KCNU1: variants seen among roughly 807,000 people sequenced by gnomAD.
KCNU1 encodes potassium calcium-activated channel subfamily U member 1, also known as potassium channel subfamily U member 1.
A neutral mutation model predicts 126.8 loss-of-function variants in KCNU1; 93 were observed. The ratio of observed to expected loss-of-function variants is 0.73; its 90% CI spans 0.62 to 0.87. The LOEUF is 0.87. Among genes scored for constraint, KCNU1 ranks in the 40% least tolerant of loss-of-function variants. The pLI is 0.00. For synonymous variants in KCNU1, 523 were observed against 494.2 expected (o/e 1.06, Z -0.77); for missense variants, 1,330 against 1,367.1 (o/e 0.97, Z 0.43).
Position 36,834,782 on chromosome 8 carries a change from G to T in KCNU1, c.1213-4G>T. On this transcript the variant is annotated splice_polypyrimidine_tract_variant and splice_region_variant and intron_variant, in intron 11 of 26. Coordinates refer to ENST00000399881, the MANE Select transcript of KCNU1 (RefSeq NM_001031836.3). Reference sequence around the variant, plus strand: ...GATGGCTCCTGTCCGATCTTGAAGGGTAGGTGGAATCTGCAGAGGCATGCC... The same window carrying T: ...GATGGCTCCTGTCCGATCTTGAAGGTTAGGTGGAATCTGCAGAGGCATGCC... The T allele has an allele frequency of 6.3e-7, 1 of 1,599,280 alleles. No homozygotes were observed. Among genetic ancestry groups the T allele is most frequent in the South Asian group, 1.1e-5 (1 of 90,150 alleles).
rs150789870 is a variant in KCNU1, at chr8:36,842,887, C to T, written c.1703+1884C>T. ...ATTTCACCATGTTGGTGCTCTCAAACTCCTGACCTCAGGTGATCCACCCAC... is the reference window on the plus strand; with the variant it reads ...ATTTCACCATGTTGGTGCTCTCAAATTCCTGACCTCAGGTGATCCACCCAC... On this transcript the variant is annotated intron_variant, in intron 16 of 26. Transcript: ENST00000399881. Among the ~76,000 whole-genome samples, 337 of 152,292 alleles carry T rather than the reference C, an allele frequency of 2.2e-3. 1 individual carries two copies. Among genetic ancestry groups the T allele is most frequent in the Admixed American group, 4.3e-3 (66 of 15,298 alleles).
intron 24 of KCNU1, 111 bp from the exon 25 acceptor site, chr8:36,930,840 C>G (rs1808679189): frequency 1.5e-6 from 1 of 652,082 alleles, no homozygotes; most frequent in Admixed American, 3.3e-5. Context: ...TGTTCTACAC[C>G]ATCAGGTCCA....
Position 36,810,680 on chromosome 8 carries a change from C to T in KCNU1, c.732+1887C>T, listed in dbSNP as rs148678690. Among the ~76,000 whole-genome samples, 250 of 152,186 alleles carry T rather than the reference C, an allele frequency of 1.6e-3. 2 individuals are homozygous for T. The highest frequency in any genetic ancestry group is 2.8e-3 in the Non-Finnish European group (192 of 67,994). On this transcript the variant is annotated intron_variant, in intron 7 of 26. Transcript: ENST00000399881. ...GCTAAATGATGATATCATTCAAAGA[C>T]GAGTATTAACTAGAAAGGAATCAAT...
intron 23 of KCNU1, among the ~76,000 whole-genome samples, chr8:36,922,004 A>G (rs890468040): frequency 1.4e-4 from 21 of 152,206 alleles, no homozygotes; most frequent in Admixed American, 1.4e-3. Flanking sequence ...TCATATGTGC[A>G]TTACATTTTG....
intron 20 of KCNU1, 140 bp downstream of exon 20, chr8:36,905,944 T>A: frequency 1.8e-6 from 1 of 540,936 alleles, no homozygotes. Flanking sequence ...CCCACATCCC[T>A]CACCAGCCAT....
intron 2 of KCNU1, among the ~76,000 whole-genome samples, chr8:36,793,532 A>C (rs1802980380): frequency 1.3e-5 from 2 of 152,148 alleles, no homozygotes; most frequent in Non-Finnish European, 2.9e-5. Flanking sequence ...ATTTTGAGGC[A>C]GATGTCAAGA....
chr8:36,882,643 G>C (rs563400955), intron 19 of KCNU1, among the ~76,000 whole-genome samples: 20 of 152,066 alleles, frequency 1.3e-4, no homozygotes, highest in Non-Finnish European at 2.6e-4. Flanking sequence ...GAGTACAGTG[G>C]CACGATCTTG....
intron 19 of KCNU1, chr8:36,888,795 A>C (rs775226180): frequency 3.8e-6 from 2 of 528,560 alleles, no homozygotes; most frequent in Non-Finnish European, 7.8e-6. Flanking sequence ...CTTGAAGAAC[A>C]GAGACCAGAA....
At chr8:36,875,586 G>C (rs1806252292) in intron 19 of KCNU1, among the ~76,000 whole-genome samples, 1 of 151,740 alleles carries the variant, frequency 6.6e-6, no homozygotes, top group African/African-American at 2.4e-5. Flanking sequence ...TTGTAATTGA[G>C]AGCAATGCAA....
At chr8:36,919,035 G>T (rs1186931511) in intron 23 of KCNU1, 138 bp downstream of exon 23, 3 of 639,632 alleles carry the variant, frequency 4.7e-6, no homozygotes, top group African/African-American at 1.8e-5. Context: ...TGCTTGCCCG[G>T]ATGTTACACT....
intron 18 of KCNU1, among the ~76,000 whole-genome samples, chr8:36,861,736 A>C (rs1487789125): frequency 2.0e-5 from 3 of 152,200 alleles, no homozygotes; most frequent in Non-Finnish European, 4.4e-5. Flanking sequence ...CATTATTTTC[A>C]CTCATTTGAA....
intron 2 of KCNU1, among the ~76,000 whole-genome samples, chr8:36,792,552 G>A (rs1386340946): frequency 6.6e-6 from 1 of 152,174 alleles, no homozygotes; most frequent in East Asian, 1.9e-4. Context: ...TGATGAAGCT[G>A]CGAACTCCAC....
At chr8:36,847,057 T>C (rs1462961143) in intron 18 of KCNU1, among the ~76,000 whole-genome samples, 1 of 152,188 alleles carries the variant, frequency 6.6e-6, no homozygotes, top group Non-Finnish European at 1.5e-5. Context: ...TGGTCTGTAA[T>C]TGTTACCTTC....
At chr8:36,889,619 T>C (rs1169535357) in intron 19 of KCNU1, among the ~76,000 whole-genome samples, 1 of 151,816 alleles carries the variant, frequency 6.6e-6, no homozygotes, top group Non-Finnish European at 1.5e-5. Context: ...ATAAGAACAA[T>C]ATCAAAAGAA....
At chr8:36,809,412 G>A (rs537196344) in intron 7 of KCNU1, among the ~76,000 whole-genome samples, 9 of 152,258 alleles carry the variant, frequency 5.9e-5, no homozygotes, top group East Asian at 1.9e-4. Flanking sequence ...TTAAAAGCCC[G>A]CAAAAGCCTT....
intron 19 of KCNU1, chr8:36,888,526 C>T: frequency 1.9e-6 from 1 of 532,076 alleles, no homozygotes; most frequent in Non-Finnish European, 3.9e-6. Context: ...TGTTCTCTGA[C>T]ATTTACAAGA....
Position 36,905,723 on chromosome 8 carries a change from T to A in KCNU1, c.2025T>A (p.Asp675Glu), listed in dbSNP as rs574976495. ...SNFTTRTLQHDVEQDSDQLDS... is the reference protein window; with the variant it reads ...SNFTTRTLQHEVEQDSDQLDS... ...TCCTATTTAGGACTCTTCAACATGA[T>A]GTAGAACAAGATTCTGACCAGCTTG... is the stretch of plus-strand genomic sequence containing the variant. Residue 675 changes from aspartate to glutamate, a missense_variant, in exon 20 of 27, where the codon GAT (aspartate) becomes GAA (glutamate). Asp to Glu is a conservative substitution (Grantham distance 45). Transcript: ENST00000399881. 6.3e-7 allele frequency: 1 copy of A among 1,594,888 alleles called. No individual in the cohort carries two copies. Among genetic ancestry groups the A allele is most frequent in the Admixed American group, 1.7e-5 (1 of 59,828 alleles).
rs1806215626 is a variant in KCNU1 at position 36,874,627 on chromosome 8, G to A, written c.2009+10106G>A. Among the ~76,000 whole-genome samples the A allele has an allele frequency of 2.0e-5, 3 of 152,022 alleles. No individual in the cohort carries two copies. In the South Asian group the frequency reaches 6.2e-4, roughly 32 times the overall value. ...GTTTGGGGCTCTGTGGGTTAGGTGA[G>A]GACACAACCATTATTGTCCTCCTCA... is the stretch of plus-strand genomic sequence containing the variant. On this transcript the variant is annotated intron_variant, in intron 19 of 26. Coordinates refer to ENST00000399881, the MANE Select transcript of KCNU1 (RefSeq NM_001031836.3).
chr8:36,834,766 T>G lies in KCNU1; in HGVS notation c.1213-20T>G. 6.5e-7 allele frequency: 1 copy of G among 1,539,526 alleles called. No homozygotes were observed. ...CCCATGTAATTAACAAGATGGCTCC[T>G]GTCCGATCTTGAAGGGTAGGTGGAA... On this transcript the variant is annotated intron_variant, in intron 11 of 26. Transcript: ENST00000399881.
Sources: allele counts gnomAD v4.1 joint callset (sites outside exome capture counted in the v4.1 genomes callset), GRCh38; gene constraint gnomAD v4.1.1; transcripts MANE v1.5; gene names NCBI Gene and HGNC (gene_info 2026-07-23, HGNC 2026-07-21).